Variants in ANKRD44 observed in about 807,000 individuals in gnomAD.
ANKRD44 encodes serine/threonine-protein phosphatase 6 regulatory ankyrin repeat subunit B.
ANKRD44 carries 35 observed loss-of-function variants against 116.0 expected under a neutral mutation model. The ratio of observed to expected loss-of-function variants is 0.30; its 90% CI spans 0.23 to 0.40. The LOEUF is 0.40. Among genes scored for constraint, ANKRD44 ranks in the 10% least tolerant of loss-of-function variants. The pLI, the probability that ANKRD44 is intolerant of heterozygous loss-of-function variation, is 1.00. For missense variants in ANKRD44, 1,014 were observed against 1,242.6 expected, an observed-to-expected ratio of 0.82 and a Z score of 2.77; for synonymous variants, 435 against 461.8, an observed-to-expected ratio of 0.94 and a Z score of 0.74.
chr2:197,226,545 T>A (rs1397161117), intron 1 of ANKRD44, among the ~76,000 whole-genome samples: 9 of 152,068 alleles, frequency 5.9e-5, no homozygotes, highest in Non-Finnish European at 1.2e-4. Context: ...ACGCCTGTAG[T>A]CCCAGCTACT....
intron 21 of ANKRD44, among the ~76,000 whole-genome samples, chr2:196,971,975 C>T (rs1341890343): frequency 2.0e-5 from 3 of 152,180 alleles, no homozygotes; most frequent in Admixed American, 1.3e-4. Context: ...GGGAAGCCTG[C>T]GCCACCACTG....
chr2:197,025,159 T>C, intron 17 of ANKRD44, 37 bp downstream of exon 17: 1 of 1,587,768 alleles, frequency 6.3e-7, no homozygotes, highest in Non-Finnish European at 8.6e-7. Flanking sequence ...TAGGTTGTTT[T>C]TGTAACAGGT....
intron 15 of ANKRD44, among the ~76,000 whole-genome samples, chr2:197,080,717 C>T (rs2077774150): frequency 6.6e-6 from 1 of 152,202 alleles, no homozygotes; most frequent in Non-Finnish European, 1.5e-5. Context: ...CACTCTCTAA[C>T]TTCCTTTCCA....
At chr2:196,970,733 A>C (rs1367854271) in intron 21 of ANKRD44, among the ~76,000 whole-genome samples, 1 of 152,102 alleles carries the variant, frequency 6.6e-6, no homozygotes, top group Non-Finnish European at 1.5e-5. Flanking sequence ...ACATGGTCTC[A>C]CTCTGTTGCC....
intron 1 of ANKRD44, among the ~76,000 whole-genome samples, chr2:197,307,228 A>G (rs772356227): frequency 2.6e-5 from 4 of 152,234 alleles, no homozygotes; most frequent in Admixed American, 6.5e-5. Context: ...TTACCAAAAA[A>G]TATAAAACTC....
Position 197,216,901 on chromosome 2 carries a change from C to CACAG in ANKRD44, c.28-29796_28-29795insCTGT, listed in dbSNP as rs1553535192. Among the ~76,000 whole-genome samples, 12 of 149,514 alleles carry CACAG rather than the reference C, an allele frequency of 8.0e-5. No homozygotes were observed. In the East Asian group the frequency reaches 1.6e-3, roughly 20 times the overall value. ...ACACACACACACACACACACACACA[C>CACAG]TCCAAAAACAAAAACACACAGAAAA... On this transcript the variant is annotated intron_variant, in intron 1 of 27. Transcript: ENST00000282272.
chr2:197,258,270 C>CTTTTTTTTTTTTTTTT (rs71395680), intron 1 of ANKRD44, among the ~76,000 whole-genome samples: 51 of 79,222 alleles, frequency 6.4e-4, no homozygotes, highest in South Asian at 1.1e-3. Flanking sequence ...TTGGCTAATC[C>CTTTTTTTTTTTTTTTT]TTTTTTTTTT....
rs990723902 is a variant in ANKRD44 at position 197,211,782 on chromosome 2, C to A, written c.28-24676G>T. ...GGTTCCAGGTGTTCATTAGGAGATG[C>A]AGCAGGTTATAAACCATAACTCAGA... On this transcript the variant is annotated intron_variant, in intron 1 of 27. Transcript: ENST00000282272. Among the ~76,000 whole-genome samples, 3 of 151,790 alleles carry A rather than the reference C, an allele frequency of 2.0e-5. No individual in the cohort carries two copies. The East Asian group carries it at 5.8e-4, about 30-fold the overall frequency.
At chr2:197,060,707 G>A (rs1461897956) in intron 16 of ANKRD44, among the ~76,000 whole-genome samples, 2 of 152,026 alleles carry the variant, frequency 1.3e-5, no homozygotes, top group Non-Finnish European at 2.9e-5. Context: ...CTCAGCTCCT[G>A]GCAACCCCCA....
intron 10 of ANKRD44, among the ~76,000 whole-genome samples, chr2:197,096,139 G>A (rs1273774558): frequency 2.6e-5 from 4 of 152,080 alleles, no homozygotes; most frequent in African/African-American, 9.7e-5. Flanking sequence ...ACACATCCCA[G>A]TGGCACCCAG....
intron 1 of ANKRD44, among the ~76,000 whole-genome samples, chr2:197,232,547 T>A (rs539221393): frequency 1.2e-4 from 18 of 152,362 alleles, no homozygotes; most frequent in African/African-American, 4.3e-4. Context: ...TGAAAAGGAC[T>A]ATGTGTCAAG....
intron 10 of ANKRD44, among the ~76,000 whole-genome samples, chr2:197,098,235 C>T (rs2078208238): frequency 1.4e-5 from 2 of 145,772 alleles, no homozygotes; most frequent in Non-Finnish European, 3.0e-5. Flanking sequence ...TACCACTAGA[C>T]TGGGAGGTGT....
intron 1 of ANKRD44, among the ~76,000 whole-genome samples, chr2:197,279,159 G>A (rs1270043002): frequency 2.0e-5 from 3 of 152,196 alleles, no homozygotes; most frequent in Non-Finnish European, 4.4e-5. Context: ...TTCAAAGACT[G>A]ATAAAATATT....
intron 1 of ANKRD44, among the ~76,000 whole-genome samples, chr2:197,216,227 T>C (rs542181926): frequency 6.6e-6 from 1 of 152,338 alleles, no homozygotes; most frequent in Admixed American, 6.5e-5. Flanking sequence ...AGTGTCCTAA[T>C]GTGGAAGTAA....
At chr2:197,226,480 A>C (rs1250582667) in intron 1 of ANKRD44, among the ~76,000 whole-genome samples, 1 of 152,176 alleles carries the variant, frequency 6.6e-6, no homozygotes, top group African/African-American at 2.4e-5. Flanking sequence ...CCTGGCCAAC[A>C]CAGTAAAACC....
At chr2:197,298,838 G>A (rs1445741006) in intron 1 of ANKRD44, among the ~76,000 whole-genome samples, 1 of 151,920 alleles carries the variant, frequency 6.6e-6, no homozygotes, top group Non-Finnish European at 1.5e-5. Flanking sequence ...ACTCAACTGA[G>A]CCCCGGAAGT....
intron 2 of ANKRD44, among the ~76,000 whole-genome samples, chr2:197,176,469 C>T (rs1195378108): frequency 6.6e-6 from 1 of 152,160 alleles, no homozygotes; most frequent in Non-Finnish European, 1.5e-5. Flanking sequence ...GAACCCAAGA[C>T]TTCTATCTTC....
chr2:197,023,380 T>C lies in ANKRD44; in HGVS notation c.1722+1816A>G, dbSNP rs188089731. Among the ~76,000 whole-genome samples, 497 of 152,292 alleles carry C rather than the reference T, an allele frequency of 3.3e-3. 13 individuals carry two copies. Among genetic ancestry groups the C allele is most frequent in the Non-Finnish European group, 1.0e-3 (69 of 68,028 alleles). On this transcript the variant is annotated intron_variant, in intron 17 of 27. Transcript: ENST00000282272. ...CTTTAACTTACAGGTGGGGAAACCATGCACAGGTGAGTTGCTAATGAAAAG... is the reference window on the plus strand; with the variant it reads ...CTTTAACTTACAGGTGGGGAAACCACGCACAGGTGAGTTGCTAATGAAAAG...
At chr2:197,246,350 CTTTTTTTTTTTT>C (rs67655796) in intron 1 of ANKRD44, among the ~76,000 whole-genome samples, 16 of 65,876 alleles carry the variant, frequency 2.4e-4, no homozygotes, top group African/African-American at 8.1e-4. Context: ...CTACATCTGG[CTTTTTTTTTTTT>C]TTTTTTTTTT....
Sources: allele counts gnomAD v4.1 joint callset (sites outside exome capture counted in the v4.1 genomes callset), GRCh38; gene constraint gnomAD v4.1.1; transcripts MANE v1.5; gene names NCBI Gene and HGNC (gene_info 2026-07-23, HGNC 2026-07-21).